LAMA1: variants seen among roughly 807,000 people sequenced by gnomAD.
LAMA1 encodes laminin subunit alpha 1, also known as laminin subunit alpha-1.
LAMA1 carries 219 observed loss-of-function variants against 348.7 expected under a neutral mutation model. The ratio of observed to expected loss-of-function variants is 0.63; its 90% CI spans 0.56 to 0.70. LAMA1 has a LOEUF of 0.70. Ranked by LOEUF, LAMA1 falls within the 30% of genes least tolerant of loss-of-function variation. The pLI is 0.00. For synonymous variants in LAMA1, 1,487 were observed against 1,491.0 expected (o/e 1.00, Z 0.06); for missense variants, 3,744 against 3,888.0 (o/e 0.96, Z 0.99).
intron 1 of LAMA1, among the ~76,000 whole-genome samples, chr18:7,094,129 G>A (rs1371119245): frequency 6.6e-6 from 1 of 152,086 alleles, no homozygotes; most frequent in Non-Finnish European, 1.5e-5. Context: ...CGGTTCCAGT[G>A]CAGATTCTGA....
intron 17 of LAMA1, 49 bp downstream of exon 17, chr18:7,025,930 G>A (rs202191120): frequency 1.1e-5 from 17 of 1,577,562 alleles, no homozygotes; most frequent in Non-Finnish European, 3.4e-6. Flanking sequence ...CATCTGGGTG[G>A]GAATCCTGGC....
chr18:7,019,674 C>CTTTTT (rs35235323), intron 19 of LAMA1, among the ~76,000 whole-genome samples: 5 of 94,546 alleles, frequency 5.3e-5, no homozygotes, highest in Admixed American at 1.3e-4. Context: ...TATGGTAATT[C>CTTTTT]TTTTTTTTTT....
In LAMA1 at chr18:6,981,214, T is replaced by A. The variant is rs148014238; in HGVS notation, c.5891-577A>T. Reference sequence around the variant, plus strand: ...TTCTACTTAAATTTCATGTCCAATTTTACTAGAGCTCAAGGATGAAGAGCT... The same window carrying A: ...TTCTACTTAAATTTCATGTCCAATTATACTAGAGCTCAAGGATGAAGAGCT... On this transcript the variant is annotated intron_variant, in intron 41 of 62. Transcript: ENST00000389658. Among the ~76,000 whole-genome samples, 147 of 152,332 alleles carry A rather than the reference T, an allele frequency of 9.6e-4. 1 individual carries two copies. The highest frequency in any genetic ancestry group is 3.4e-3 in the Middle Eastern group (1 of 294).
chr18:7,079,548 T>A (rs909107366), intron 3 of LAMA1: 7 of 251,814 alleles, frequency 2.8e-5, no homozygotes, highest in Admixed American at 1.0e-4. Flanking sequence ...CCGTTTTGTC[T>A]TTTTTTCTTC....
chr18:6,993,188 T>C (rs615451), intron 35 of LAMA1, among the ~76,000 whole-genome samples: 104,315 of 152,046 alleles, frequency 0.69, 36,081 homozygotes, highest in East Asian at 0.92. Flanking sequence ...CACTATAATA[T>C]AAAAAGAAGA....
In LAMA1 at chr18:7,010,320, G is replaced by A; in HGVS notation, c.3753C>T (p.Thr1251=). The A allele has an allele frequency of 6.2e-7, 1 of 1,614,170 alleles. No individual in the cohort carries two copies. Among genetic ancestry groups the A allele is most frequent in the Non-Finnish European group, 8.5e-7 (1 of 1,180,042 alleles). Residue 1251 remains threonine (T), a synonymous_variant, in exon 26 of 63, where the codon ACC becomes ACT. Transcript: ENST00000389658. The part of the protein sequence containing the change: ...VAFYSLDGVG[T]SNFEPQVLIK... ...TGAGAACTTGAGGCTCAAAATTGGA[G>A]GTGCCGACGCCATCCAAAGAATAGA... is the stretch of plus-strand genomic sequence containing the variant.
At position 6,949,187 on chromosome 18, in the gene LAMA1, C is replaced by G; in HGVS notation, c.8470G>C (p.Val2824Leu). ...DGRESPMVTV[V>L]GDGTMLDVEG... Reference sequence around the variant, plus strand: ...ACATCCAGCATGGTTCCATCTCCCACCACAGTCACCATGGGAGACTCTCGG... The same window carrying G: ...ACATCCAGCATGGTTCCATCTCCCAGCACAGTCACCATGGGAGACTCTCGG... Residue 2824 changes from valine to leucine, a missense_variant, in exon 59 of 63, where the codon GTG (valine) becomes CTG (leucine). By Grantham distance (32) the Val-to-Leu change is conservative. Transcript: ENST00000389658. 1 of 1,614,134 alleles carries G rather than the reference C, an allele frequency of 6.2e-7. No homozygotes were observed. The highest frequency in any genetic ancestry group is 8.5e-7 in the Non-Finnish European group (1 of 1,179,976).
intron 48 of LAMA1, among the ~76,000 whole-genome samples, chr18:6,968,492 T>C (rs2057643874): frequency 6.6e-6 from 1 of 152,146 alleles, no homozygotes; most frequent in Non-Finnish European, 1.5e-5. Context: ...AGGACATAAA[T>C]GTGTGATGTA....
chr18:7,028,193 C>A (rs2057953150), intron 16 of LAMA1, among the ~76,000 whole-genome samples: 1 of 152,304 alleles, frequency 6.6e-6, no homozygotes, highest in African/African-American at 2.4e-5. Context: ...CAGCCTCTAT[C>A]ATCTGTGGAT....
Position 7,050,939 on chromosome 18 carries a change from G to A in LAMA1, c.346-3C>T, listed in dbSNP as rs754230406. 5 of 1,613,844 alleles carry A rather than the reference G, an allele frequency of 3.1e-6. No homozygotes were observed. The highest frequency in any genetic ancestry group is 4.2e-6 in the Non-Finnish European group (5 of 1,179,966). On this transcript the variant is annotated splice_polypyrimidine_tract_variant and splice_region_variant and intron_variant, in intron 3 of 62. Coordinates refer to ENST00000389658, the MANE Select transcript of LAMA1 (RefSeq NM_005559.4). ...ATGACATATGCAACTTGAAAGACCT[G>A]AAACAAAGACACTGAAAAGTCTCAA... is the stretch of plus-strand genomic sequence containing the variant.
Position 6,950,860 on chromosome 18 carries a change from G to C in LAMA1, c.8319C>G (p.Leu2773=). ...YAVLQLHGGR[L]HFMFDLGKGR... is the part of the protein sequence containing the mutation. ...CTTTGCCAAGGTCAAACATGAAGTG[G>C]AGGCGGCCCCCGTGCAGCTGGAGCA... The change falls in exon 58 of 63, where the codon CTC becomes CTG. Residue 2773 remains leucine (L), a synonymous_variant. Coordinates refer to ENST00000389658, the MANE Select transcript of LAMA1 (RefSeq NM_005559.4). 2 of 1,614,176 alleles carry C rather than the reference G, an allele frequency of 1.2e-6. No homozygotes were observed. Among genetic ancestry groups the C allele is most frequent in the East Asian group, 2.2e-5 (1 of 44,860 alleles).
At chr18:6,950,506 CT>C (rs1422859531) in intron 58 of LAMA1, among the ~76,000 whole-genome samples, 1 of 152,170 alleles carries the variant, frequency 6.6e-6, no homozygotes, top group African/African-American at 2.4e-5. Context: ...TTACATACTC[CT>C]TGCCAAGTCA....
chr18:7,017,896 G>C (rs1201654135), intron 19 of LAMA1, among the ~76,000 whole-genome samples: 1 of 152,152 alleles, frequency 6.6e-6, no homozygotes, highest in African/African-American at 2.4e-5. Flanking sequence ...TTTCAGGTCA[G>C]ATGGTTCCAT....
intron 1 of LAMA1, among the ~76,000 whole-genome samples, chr18:7,091,711 T>C (rs1452792930): frequency 1.3e-5 from 2 of 152,238 alleles, no homozygotes; most frequent in Non-Finnish European, 2.9e-5. Flanking sequence ...GCTGAAACTG[T>C]TGAAATGTTT....
At position 7,036,014 on chromosome 18, in the gene LAMA1, G is replaced by A. The variant is rs747079195; in HGVS notation, c.1812C>T (p.Leu604=). The change falls in exon 13 of 63, where the codon CTC becomes CTT. Residue 604 remains leucine, a synonymous_variant. Coordinates refer to ENST00000389658, the MANE Select transcript of LAMA1 (RefSeq NM_005559.4). ...DIPVETVDSN[L]MSHADVIIKG... Reference sequence around the variant, plus strand: ...TAATGATGACGTCAGCATGCGACATGAGGTTACTGTCTACCGTCTCTACCG... The same window carrying A: ...TAATGATGACGTCAGCATGCGACATAAGGTTACTGTCTACCGTCTCTACCG... 15 of 1,613,972 alleles carry A rather than the reference G, an allele frequency of 9.3e-6. No homozygotes were observed. The highest frequency in any genetic ancestry group is 6.7e-5 in the African/African-American group (5 of 74,928).
chr18:6,971,825 A>T, intron 48 of LAMA1, 32 bp downstream of exon 48: 1 of 1,613,838 alleles, frequency 6.2e-7, no homozygotes, highest in Non-Finnish European at 8.5e-7. Context: ...ACAGAATAAC[A>T]TACTATGTGC....
At chr18:7,083,662 GA>G (rs1004152364) in intron 1 of LAMA1, among the ~76,000 whole-genome samples, 5 of 151,670 alleles carry the variant, frequency 3.3e-5, no homozygotes, top group Non-Finnish European at 7.4e-5. Context: ...CTAATATTTG[GA>G]AAAAAATATT....
chr18:7,012,491 ATTATTATAT>A lies in LAMA1; in HGVS notation c.3364-362_3364-354del, dbSNP rs1316774246. 1.0e-4 allele frequency among the ~76,000 whole-genome samples: 13 copies of A among 124,622 alleles called. No individual in the cohort carries two copies. In the South Asian group the frequency reaches 2.4e-3, roughly 23 times the overall value. 81.8% of individuals were successfully genotyped at this position (124,622 alleles called of 152,430 possible). A position where few individuals can be genotyped will look rare whatever the true frequency, so the allele number is the denominator to read the frequency against. ...CCAGGTGATAAATATTATTATTATT[ATTATTATAT>A]TATTATTATTATTATTATTATTTAA... On this transcript the variant is annotated intron_variant, in intron 23 of 62. Coordinates refer to ENST00000389658, the MANE Select transcript of LAMA1 (RefSeq NM_005559.4).
At chr18:6,975,106 C>G in intron 45 of LAMA1, 70 bp from the exon 46 acceptor site, 1 of 1,537,074 alleles carries the variant, frequency 6.5e-7, no homozygotes. Context: ...CAACACTTTA[C>G]AGAGTCAATT....
Sources: allele counts gnomAD v4.1 joint callset (sites outside exome capture counted in the v4.1 genomes callset), GRCh38; gene constraint gnomAD v4.1.1; transcripts MANE v1.5; gene names NCBI Gene and HGNC (gene_info 2026-07-23, HGNC 2026-07-21).